The following GSE1 variants were observed in gnomAD, a reference collection of about 807,000 sequenced individuals.
The protein encoded by GSE1 is genetic suppressor element 1.
GSE1 carries 32 observed loss-of-function variants against 112.6 expected under a neutral mutation model. The observed-to-expected ratio is 0.28, with a 90% CI of 0.21 to 0.38. The LOEUF (loss-of-function observed/expected upper bound fraction) is 0.38. Ranked by LOEUF, GSE1 falls within the 10% of genes least tolerant of loss-of-function variation. The probability of loss-of-function intolerance (pLI) is 1.00; values close to 1 mark genes in which losing one functional copy is unlikely to be tolerated. For missense variants in GSE1, 2,348 were observed against 1,699.2 expected, an observed-to-expected ratio of 1.38 and a Z score of -6.71; for synonymous variants, 1,115 against 735.6, an observed-to-expected ratio of 1.52 and a Z score of -8.35.
At chr16:85,514,948 C>T (rs1350666112) in intron 2 of GSE1, among the ~76,000 whole-genome samples, 1 of 152,128 alleles carries the variant, frequency 6.6e-6, no homozygotes, top group Non-Finnish European at 1.5e-5. Flanking sequence ...TGTGTGTTTG[C>T]CTATGAGTGT....
At chr16:85,228,011 G>A (rs922674833) in intron 1 of GSE1, among the ~76,000 whole-genome samples, 2 of 152,216 alleles carry the variant, frequency 1.3e-5, no homozygotes, top group South Asian at 4.1e-4. Flanking sequence ...GGGCCTGGGA[G>A]GGCTGGGAGG....
At chr16:85,394,473 G>T (rs1778781176) in intron 2 of GSE1, among the ~76,000 whole-genome samples, 1 of 152,160 alleles carries the variant, frequency 6.6e-6, no homozygotes, top group Admixed American at 6.5e-5. Flanking sequence ...TAAAGCGAAT[G>T]ATTTGGGTGG....
At chr16:85,556,556 C>G (rs1180435226) in intron 1 of GSE1, among the ~76,000 whole-genome samples, 1 of 151,462 alleles carries the variant, frequency 6.6e-6, no homozygotes, top group Non-Finnish European at 1.5e-5. Flanking sequence ...CTACGTGCGG[C>G]GGGGAGCGCC....
chr16:85,440,422 G>A (rs941589737), intron 2 of GSE1, among the ~76,000 whole-genome samples: 1 of 152,222 alleles, frequency 6.6e-6, no homozygotes, highest in African/African-American at 2.4e-5. Context: ...TGGGGGAGGC[G>A]CTTCCTTGGG....
intron 2 of GSE1, among the ~76,000 whole-genome samples, chr16:85,410,977 A>T (rs1182028220): frequency 3.0e-5 from 2 of 65,726 alleles, no homozygotes; most frequent in African/African-American, 9.8e-5. Flanking sequence ...TGTTACACTC[A>T]GGGCCCCCCG....
At chr16:85,655,984 G>A (rs1598624110) in intron 6 of GSE1, 67 bp downstream of exon 6, 1 of 1,329,940 alleles carries the variant, frequency 7.5e-7, no homozygotes, top group Non-Finnish European at 1.0e-6. Context: ...TGGGCAGAAA[G>A]CCTGGGCTGG....
At chr16:85,422,234 C>T (rs2048861902) in intron 2 of GSE1, among the ~76,000 whole-genome samples, 1 of 152,188 alleles carries the variant, frequency 6.6e-6, no homozygotes, top group South Asian at 2.1e-4. Context: ...TTGCATCAGA[C>T]ACAATCCCGT....
exon 1 of GSE1, chr16:85,169,931 G>T: frequency 1.1e-5 from 11 of 984,542 alleles, no homozygotes; most frequent in Non-Finnish European, 1.3e-5. Flanking sequence ...GGGGCCCCCC[G>T]CGAGTGGAAC....
At chr16:85,536,045 C>G (rs766348295) in intron 2 of GSE1, among the ~76,000 whole-genome samples, 4 of 152,230 alleles carry the variant, frequency 2.6e-5, no homozygotes, top group Non-Finnish European at 5.9e-5. Context: ...CAAGAGGGGA[C>G]AGTAGCAAAG....
At chr16:85,221,312 GCACACACACA>G (rs377260826) in intron 1 of GSE1, among the ~76,000 whole-genome samples, 1 of 137,756 alleles carries the variant, frequency 7.3e-6, no homozygotes, top group Non-Finnish European at 1.6e-5. Context: ...TCCCTAGCGC[GCACACACACA>G]CACACACACA....
intron 2 of GSE1, among the ~76,000 whole-genome samples, chr16:85,646,262 T>C (rs542328594): frequency 6.6e-6 from 1 of 152,040 alleles, no homozygotes; most frequent in African/African-American, 2.4e-5. Context: ...CGCATTCTAC[T>C]TGCTTCTACC....
At chr16:85,314,243 C>G (rs1050166093) in intron 1 of GSE1, among the ~76,000 whole-genome samples, 1 of 152,120 alleles carries the variant, frequency 6.6e-6, no homozygotes, top group Non-Finnish European at 1.5e-5. Flanking sequence ...CCGGCTAGTG[C>G]CACAAAAACC....
chr16:85,510,299 G>C (rs144749398), intron 2 of GSE1, among the ~76,000 whole-genome samples: 214 of 152,346 alleles, frequency 1.4e-3, no homozygotes, highest in African/African-American at 5.1e-3. Flanking sequence ...GGCCCAGCAC[G>C]AAAGACTCCT....
chr16:85,657,192 C>G (rs2052034237), intron 7 of GSE1, 85 bp from the exon 8 acceptor site: 2 of 947,308 alleles, frequency 2.1e-6, no homozygotes, highest in Admixed American at 2.7e-5. Flanking sequence ...TCTGGTTTCT[C>G]TGGGCAGTTG....
At chr16:85,455,856 T>G (rs1392847713) in intron 2 of GSE1, among the ~76,000 whole-genome samples, 1 of 152,232 alleles carries the variant, frequency 6.6e-6, no homozygotes. Flanking sequence ...CCCATCCTGC[T>G]GCCTAACTCC....
At chr16:85,319,415 C>G (rs2046052549) in intron 1 of GSE1, among the ~76,000 whole-genome samples, 1 of 152,194 alleles carries the variant, frequency 6.6e-6, no homozygotes, top group African/African-American at 2.4e-5. Context: ...GCTCCTGGGC[C>G]TCAGCCTGTG....
intron 2 of GSE1, among the ~76,000 whole-genome samples, chr16:85,489,627 C>T (rs554929180): frequency 1.3e-5 from 2 of 152,086 alleles, no homozygotes; most frequent in South Asian, 4.1e-4. Flanking sequence ...ACGCGGCCCG[C>T]GCCTCCTTCA....
At chr16:85,648,824 C>G in intron 3 of GSE1, 73 bp downstream of exon 3, 1 of 850,862 alleles carries the variant, frequency 1.2e-6, no homozygotes, top group Non-Finnish European at 1.8e-6. Context: ...ATTGGGGGCT[C>G]TGGAGCTTTC....
At chr16:85,261,032 C>T (rs935025852) in intron 1 of GSE1, among the ~76,000 whole-genome samples, 1 of 152,208 alleles carries the variant, frequency 6.6e-6, no homozygotes, top group African/African-American at 2.4e-5. Context: ...CATGGCTTGG[C>T]CCTGATGGGT....
Sources: allele counts gnomAD v4.1 joint callset (sites outside exome capture counted in the v4.1 genomes callset), GRCh38; gene constraint gnomAD v4.1.1; transcripts MANE v1.5; gene names NCBI Gene and HGNC (gene_info 2026-07-23, HGNC 2026-07-21).